Variants in WWOX observed in about 807,000 individuals in gnomAD.
WWOX encodes the protein WW domain-containing oxidoreductase.
WWOX carries 69 observed loss-of-function variants against 46.2 expected under a neutral mutation model. The ratio of observed to expected loss-of-function variants is 1.49; its 90% CI spans 1.23 to 1.82. The LOEUF is 1.82. WWOX is among the 40% of genes most tolerant of loss of function. The pLI is 0.00. For synonymous variants in WWOX, 359 were observed against 202.6 expected (o/e 1.77, Z -6.56); for missense variants, 919 against 542.6 (o/e 1.69, Z -6.89).
chr16:78,673,027 C>T (rs972693662), intron 8 of WWOX, among the ~76,000 whole-genome samples: 42 of 152,132 alleles, frequency 2.8e-4, no homozygotes, highest in African/African-American at 9.9e-4. Flanking sequence ...GCTTTGAAAC[C>T]CGTCAATGGG....
chr16:78,930,391 C>G (rs55797578), intron 8 of WWOX, among the ~76,000 whole-genome samples: 17,274 of 150,390 alleles, frequency 0.11, 1,219 homozygotes, highest in Admixed American at 0.19. Flanking sequence ...GATCCTCACA[C>G]CTTAGCCTCC....
At chr16:78,986,547 A>G (rs548163169) in intron 8 of WWOX, among the ~76,000 whole-genome samples, 1 of 152,302 alleles carries the variant, frequency 6.6e-6, no homozygotes, top group Non-Finnish European at 1.5e-5. Context: ...AGTGAGGATA[A>G]ATAAGAACAA....
At chr16:78,975,738 A>G (rs917668085) in intron 8 of WWOX, among the ~76,000 whole-genome samples, 3 of 152,164 alleles carry the variant, frequency 2.0e-5, no homozygotes, top group South Asian at 2.1e-4. Context: ...CACAGAGCCA[A>G]TTGAGGCCTT....
At chr16:78,479,891 T>C (rs950855036) in intron 8 of WWOX, among the ~76,000 whole-genome samples, 4 of 151,868 alleles carry the variant, frequency 2.6e-5, no homozygotes, top group Non-Finnish European at 5.9e-5. Context: ...CATTGTTCAC[T>C]GCCCCCTCCT....
intron 8 of WWOX, among the ~76,000 whole-genome samples, chr16:79,120,754 C>T (rs1395103493): frequency 6.6e-6 from 1 of 152,064 alleles, no homozygotes; most frequent in African/African-American, 2.4e-5. Flanking sequence ...TGAAATTTCC[C>T]TCTGCGTTTA....
rs147568401 is a variant in WWOX, at chr16:79,212,403, A to G, written c.*607A>G. On this transcript the variant is annotated 3_prime_UTR_variant, in exon 9 of 9. Coordinates refer to ENST00000566780, the MANE Select transcript of WWOX (RefSeq NM_016373.4). ...ACTACCAGGTGGCAAAGTACTTGTC[A>G]TAGACTCCTTTGCTAATGCTATGCA... 7.9e-5 allele frequency: 34 copies of G among 430,352 alleles called. No homozygotes were observed. Among genetic ancestry groups the G allele is most frequent in the African/African-American group, 6.2e-4 (32 of 51,476 alleles). 26.7% of individuals were successfully genotyped at this position (430,352 alleles called of 1,614,324 possible).
At chr16:78,263,462 G>A (rs139363322) in intron 5 of WWOX, among the ~76,000 whole-genome samples, 1 of 152,218 alleles carries the variant, frequency 6.6e-6, no homozygotes, top group Non-Finnish European at 1.5e-5. Context: ...TGGGGAGAAG[G>A]GGATATAAGT....
chr16:78,820,351 C>G (rs2051460306), intron 8 of WWOX, among the ~76,000 whole-genome samples: 1 of 152,154 alleles, frequency 6.6e-6, no homozygotes, highest in Admixed American at 6.5e-5. Context: ...AAGTGGTGCC[C>G]TGAATACGCC....
intron 4 of WWOX, among the ~76,000 whole-genome samples, chr16:78,145,463 G>T (rs2034165392): frequency 6.6e-6 from 1 of 152,176 alleles, no homozygotes; most frequent in Admixed American, 6.5e-5. Context: ...GAAGGATCCA[G>T]CATGGGAGAA....
At chr16:78,704,094 G>T (rs1030437904) in intron 8 of WWOX, among the ~76,000 whole-genome samples, 1 of 150,264 alleles carries the variant, frequency 6.7e-6, no homozygotes, top group Non-Finnish European at 1.5e-5. Context: ...ACTAGATGTT[G>T]TTCCACCCAG....
chr16:78,264,549 G>A (rs2079319485), intron 5 of WWOX: 1 of 152,224 alleles, frequency 6.6e-6, no homozygotes, highest in Non-Finnish European at 1.5e-5. Flanking sequence ...ACTCTCAGCT[G>A]AAAGCACAAA....
intron 8 of WWOX, among the ~76,000 whole-genome samples, chr16:79,176,206 C>T (rs908346140): frequency 2.6e-5 from 4 of 152,190 alleles, no homozygotes; most frequent in African/African-American, 7.2e-5. Context: ...GGATTTCTAA[C>T]ACAGAAAGCA....
intron 8 of WWOX, among the ~76,000 whole-genome samples, chr16:78,803,467 G>C (rs540215234): frequency 6.6e-6 from 1 of 152,006 alleles, no homozygotes; most frequent in East Asian, 1.9e-4. Context: ...TCTTTTTTGA[G>C]ACAGGGTCTC....
At chr16:79,080,221 G>A (rs532423868) in intron 8 of WWOX, among the ~76,000 whole-genome samples, 21 of 152,300 alleles carry the variant, frequency 1.4e-4, no homozygotes, top group Admixed American at 8.5e-4. Flanking sequence ...GCCAAGCCTT[G>A]GGAGGGGTGA....
intron 8 of WWOX, among the ~76,000 whole-genome samples, chr16:79,170,314 A>C (rs2050675735): frequency 6.6e-6 from 1 of 152,242 alleles, no homozygotes; most frequent in African/African-American, 2.4e-5. Context: ...CAGAGAAGCT[A>C]CGTGATCTAT....
At chr16:78,731,383 T>C (rs2048965459) in intron 8 of WWOX, among the ~76,000 whole-genome samples, 1 of 152,160 alleles carries the variant, frequency 6.6e-6, no homozygotes, top group Admixed American at 6.5e-5. Flanking sequence ...ACTTCAAAGA[T>C]GCACACTAAT....
chr16:78,925,801 G>T (rs918961104), intron 8 of WWOX, among the ~76,000 whole-genome samples: 3 of 152,194 alleles, frequency 2.0e-5, no homozygotes, highest in African/African-American at 7.2e-5. Flanking sequence ...TAAGAAAGCA[G>T]TGCTCAGAGG....
chr16:78,249,960 C>T lies in WWOX; in HGVS notation c.516+85671C>T, dbSNP rs564749630. On this transcript the variant is annotated intron_variant, in intron 5 of 8. Transcript: ENST00000566780. Reference sequence around the variant, plus strand: ...ATAAAGCCCTGCAGTAATCAGAGGGCTGAGGCCAGGTCCCCAGTGAGCGGC... The same window carrying T: ...ATAAAGCCCTGCAGTAATCAGAGGGTTGAGGCCAGGTCCCCAGTGAGCGGC... Among the ~76,000 whole-genome samples, 4 of 152,290 alleles carry T rather than the reference C, an allele frequency of 2.6e-5. No individual in the cohort carries two copies. The East Asian group carries it at 7.7e-4, about 29-fold the overall frequency.
intron 8 of WWOX, among the ~76,000 whole-genome samples, chr16:78,596,063 A>T (rs1019678244): frequency 7.2e-5 from 11 of 152,182 alleles, no homozygotes; most frequent in Non-Finnish European, 1.5e-4. Flanking sequence ...GTTTCTGCTC[A>T]TTTTTTATAT....
Sources: gnomAD v4.1 joint callset for allele counts (sites outside exome capture counted in the v4.1 genomes callset) on GRCh38, gnomAD v4.1.1 for gene constraint, MANE v1.5 for transcripts, NCBI Gene and HGNC (gene_info 2026-07-23, HGNC 2026-07-21) for gene names.